STIM1: variants seen among roughly 807,000 people sequenced by gnomAD.
STIM1 encodes stromal interaction molecule 1.
STIM1 carries 25 observed loss-of-function variants against 74.7 expected under a neutral mutation model. The ratio of observed to expected loss-of-function variants is 0.33; its 90% confidence interval spans 0.24 to 0.47. The LOEUF is 0.47. Ranked by LOEUF, STIM1 falls within the 20% of genes least tolerant of loss-of-function variation. The pLI is 1.00. For missense variants in STIM1, 728 were observed against 920.8 expected, an observed-to-expected ratio of 0.79 and a Z score of 2.71; for synonymous variants, 328 against 348.8, an observed-to-expected ratio of 0.94 and a Z score of 0.66.
intron 3 of STIM1, among the ~76,000 whole-genome samples, chr11:4,031,800 A>C (rs2094052730): frequency 6.6e-6 from 1 of 152,110 alleles, no homozygotes; most frequent in Admixed American, 6.5e-5. Context: ...CTTTGCTAAG[A>C]TTTTCTCCAG....
At position 3,872,550 on chromosome 11, in the gene STIM1, C is replaced by A. The variant is rs1373371029; in HGVS notation, c.139+16141C>A. Among the ~76,000 whole-genome samples, 96 of 131,666 alleles carry A rather than the reference C, an allele frequency of 7.3e-4. 1 individual carries two copies. The highest frequency in any genetic ancestry group is 5.7e-3 in the Admixed American group (66 of 11,526). 86.4% of individuals were successfully genotyped at this position (131,666 alleles called of 152,430 possible). On this transcript the variant is annotated intron_variant, in intron 1 of 12. Transcript: ENST00000526596. ...TTTTTTTTTTTTTTTGAGATGGAGT[C>A]TCACTCTGTTGCCCAGGCTGGAGTG...
chr11:3,935,941 A>G (rs1056990063), intron 1 of STIM1, among the ~76,000 whole-genome samples: 5 of 152,210 alleles, frequency 3.3e-5, no homozygotes, highest in African/African-American at 9.6e-5. Context: ...GGTATTTACA[A>G]TTCTTTTAAT....
intron 1 of STIM1, among the ~76,000 whole-genome samples, chr11:3,935,729 CTG>C (rs76013239): frequency 0.042 from 6,439 of 152,260 alleles, 256 homozygotes; most frequent in East Asian, 0.18. Context: ...GGTATTTTAT[CTG>C]GTGAAAACCA....
intron 7 of STIM1, 71 bp from the exon 8 acceptor site, chr11:4,082,113 T>C (rs1416410319): frequency 1.3e-6 from 2 of 1,498,970 alleles, no homozygotes; most frequent in African/African-American, 1.4e-5. Context: ...GTCTGAGTTC[T>C]GAAGCATCAT....
intron 1 of STIM1, among the ~76,000 whole-genome samples, chr11:3,921,275 C>T (rs2092713935): frequency 6.6e-6 from 1 of 152,172 alleles, no homozygotes; most frequent in South Asian, 2.1e-4. Flanking sequence ...GCAGGTTATA[C>T]TTCGATATTT....
intron 3 of STIM1, among the ~76,000 whole-genome samples, chr11:4,028,300 T>C (rs1287012910): frequency 6.6e-6 from 1 of 152,132 alleles, no homozygotes; most frequent in Non-Finnish European, 1.5e-5. Flanking sequence ...TAGGCTGGTC[T>C]TGAACTCCTG....
At chr11:3,917,168 CAGGGTG>C in intron 1 of STIM1, among the ~76,000 whole-genome samples, 1 of 152,046 alleles carries the variant, frequency 6.6e-6, no homozygotes, top group East Asian at 1.9e-4. Context: ...CTGTGAGGAG[CAGGGTG>C]AGGCCTAATT....
intron 4 of STIM1, among the ~76,000 whole-genome samples, chr11:4,056,746 T>G (rs1195487963): frequency 6.6e-6 from 1 of 152,226 alleles, no homozygotes; most frequent in African/African-American, 2.4e-5. Context: ...AGTAATAATC[T>G]TAATGTTTGT....
chr11:4,041,045 A>C (rs1395788546), intron 3 of STIM1, among the ~76,000 whole-genome samples: 1 of 152,234 alleles, frequency 6.6e-6, no homozygotes, highest in Non-Finnish European at 1.5e-5. Context: ...GACAATTCAC[A>C]GTTCCAGGTC....
chr11:3,996,413 G>A lies in STIM1; in HGVS notation c.271-27460G>A, dbSNP rs142843069. ...GGTAAAGCTCTCGTCCTATGAGTGG[G>A]GTTTAAACGGGACAAAAGAGGCCCA... On this transcript the variant is annotated intron_variant, in intron 2 of 12. Transcript: ENST00000526596. 2.6e-5 allele frequency among the ~76,000 whole-genome samples: 4 copies of A among 152,232 alleles called. No individual in the cohort carries two copies. The South Asian group carries it at 8.3e-4, about 32-fold the overall frequency.
chr11:4,023,096 C>G (rs917810738), intron 2 of STIM1, among the ~76,000 whole-genome samples: 1 of 152,100 alleles, frequency 6.6e-6, no homozygotes, highest in Non-Finnish European at 1.5e-5. Context: ...TTTCGGAGAC[C>G]GAGATGGGTG....
At chr11:3,918,796 C>T (rs2092683248) in intron 1 of STIM1, among the ~76,000 whole-genome samples, 1 of 152,014 alleles carries the variant, frequency 6.6e-6, no homozygotes, top group Admixed American at 6.6e-5. Flanking sequence ...GGAAGAAGAT[C>T]AAGGTACATT....
chr11:4,006,324 CT>C (rs1342361979), intron 2 of STIM1, among the ~76,000 whole-genome samples: 2 of 152,224 alleles, frequency 1.3e-5, no homozygotes, highest in Admixed American at 1.3e-4. Context: ...GAAGCAGAAG[CT>C]GCTATGCTTC....
At chr11:3,985,562 A>G (rs1211885163) in intron 2 of STIM1, among the ~76,000 whole-genome samples, 1 of 152,228 alleles carries the variant, frequency 6.6e-6, no homozygotes, top group Non-Finnish European at 1.5e-5. Context: ...ACCTGGAAGT[A>G]AAAGCAGAGC....
intron 7 of STIM1, among the ~76,000 whole-genome samples, chr11:4,076,141 A>G (rs1327959463): frequency 2.6e-5 from 4 of 151,958 alleles, no homozygotes; most frequent in Non-Finnish European, 5.9e-5. Flanking sequence ...TTGTCTTTTG[A>G]TAAACAGAAG....
At chr11:3,962,475 G>GTGTA (rs60901698) in intron 1 of STIM1, among the ~76,000 whole-genome samples, 90 of 151,016 alleles carry the variant, frequency 6.0e-4, no homozygotes, top group Non-Finnish European at 1.0e-3. Flanking sequence ...GTGTGTGTGT[G>GTGTA]TATAAAAATA....
At chr11:4,087,074 T>TA (rs1428553203) in intron 12 of STIM1, among the ~76,000 whole-genome samples, 20 of 152,288 alleles carry the variant, frequency 1.3e-4, no homozygotes, top group African/African-American at 4.1e-4. Flanking sequence ...TAAAAATGAG[T>TA]AACGACTTTC....
At chr11:3,895,718 CTTTCTTTCTTTCTTTCTTTTTCTTT>C (rs2092105087) in intron 1 of STIM1, among the ~76,000 whole-genome samples, 5 of 32,968 alleles carry the variant, frequency 1.5e-4, no homozygotes, top group African/African-American at 6.2e-4. Context: ...TTCTTTCTTT[CTTTCTTTCTTTCTTTCTTTTTCTTT>C]CTTCCTTCCT....
rs1233421408 is a variant in STIM1, at chr11:4,055,575, G to T, written c.435G>T (p.Val145=). 1 of 1,601,488 alleles carries T rather than the reference G, an allele frequency of 6.2e-7. No individual in the cohort carries two copies. Among genetic ancestry groups the T allele is most frequent in the South Asian group, 1.1e-5 (1 of 88,386 alleles). ...DEVVQWLITY[V]ELPQYEETFR... ...TGGTACAGTGGCTGATCACATATGT[G>T]GAGCTGCCTCAGTATGAGGAGACCT... The change falls in exon 4 of 13, where the codon GTG becomes GTT. Residue 145 remains valine, a synonymous_variant. Transcript: ENST00000526596.
Sources: allele counts gnomAD v4.1 joint callset (sites outside exome capture counted in the v4.1 genomes callset), GRCh38; gene constraint gnomAD v4.1.1; transcripts MANE v1.5; gene names NCBI Gene and HGNC (gene_info 2026-07-23, HGNC 2026-07-21).